The following FLNB variants were observed in gnomAD, a reference collection of about 807,000 sequenced individuals.
The protein encoded by FLNB is filamin-B.
Under a neutral mutation model 250.6 loss-of-function variants are expected in FLNB, and 111 were observed. That is an observed-to-expected ratio of 0.44 (90% CI 0.38 to 0.52). FLNB has a LOEUF of 0.52. Among genes scored for constraint, FLNB ranks in the 20% least tolerant of loss-of-function variants. The pLI is 0.00. For synonymous variants in FLNB, 1,302 were observed against 1,372.1 expected (o/e 0.95, Z 1.13); for missense variants, 2,869 against 3,447.8 (o/e 0.83, Z 4.20).
Position 58,077,125 on chromosome 3 carries a change from C to T in FLNB, c.372C>T (p.Ser124=), listed in dbSNP as rs1293588012. ...VWTLILHYSI[S]MPVWEDEGDD... is the part of the protein sequence containing the mutation. The stretch of plus-strand genomic sequence containing the variant: ...CGCTGATCCTCCACTACTCCATCTC[C>T]ATGCCCGTGTGGGAGGATGAAGGGG... The change falls in exon 2 of 46, where the codon TCC becomes TCT. Residue 124 remains serine, a synonymous_variant. Coordinates refer to ENST00000295956, the MANE Select transcript of FLNB (RefSeq NM_001457.4). 2 of 1,614,134 alleles carry T rather than the reference C, an allele frequency of 1.2e-6. No homozygotes were observed. Among genetic ancestry groups the T allele is most frequent in the East Asian group, 2.2e-5 (1 of 44,862 alleles).
Position 58,155,041 on chromosome 3 carries a change from G to A in FLNB, c.6772+113G>A, listed in dbSNP as rs13075269. 104,361 of 1,038,432 alleles carry A rather than the reference G, an allele frequency of 0.1. 5,982 individuals are homozygous for A. Among genetic ancestry groups the A allele is most frequent in the African/African-American group, 0.12 (7,434 of 63,530 alleles). The allele number at this position is 1,038,432 out of a possible 1,614,324, so 64.3% of individuals were successfully genotyped here. On this transcript the variant is annotated intron_variant, in intron 40 of 45. Transcript: ENST00000295956. The stretch of plus-strand genomic sequence containing the variant: ...GTCAATGAGGAATCTATGTGTATGG[G>A]CACATGGGACAGCCTCCTAGAAATC...
At chr3:58,167,277 C>G (rs961509197) in intron 43 of FLNB, among the ~76,000 whole-genome samples, 1 of 152,170 alleles carries the variant, frequency 6.6e-6, no homozygotes. Context: ...CTTGGCTGCA[C>G]AGATTAGATA....
At position 58,169,583 on chromosome 3, in the gene FLNB, A is replaced by G. The variant is rs758636344; in HGVS notation, c.7418-7A>G. The G allele has an allele frequency of 1.9e-6, 3 of 1,612,818 alleles. No homozygotes were observed. The highest frequency in any genetic ancestry group is 2.7e-5 in the African/African-American group (2 of 74,832). On this transcript the variant is annotated splice_polypyrimidine_tract_variant and splice_region_variant and intron_variant, in intron 44 of 45. Transcript: ENST00000295956. This position sits in a 1 kb window ranked among gnomAD's most constrained non-coding sequence, Gnocchi z 4.8. The stretch of plus-strand genomic sequence containing the variant: ...TCATGCCTGTCCCCCTCCCTCCTGT[A>G]TCTTAGGCCAGCGTCTAGTTAGCCC...
intron 32 of FLNB, 71 bp downstream of exon 32, chr3:58,143,684 C>A: frequency 1.3e-6 from 2 of 1,587,092 alleles, no homozygotes; most frequent in Non-Finnish European, 1.7e-6. Flanking sequence ...AGACACTCCT[C>A]AGCCGCTTTG....
intron 16 of FLNB, among the ~76,000 whole-genome samples, chr3:58,111,115 T>C (rs1576737050): frequency 1.3e-5 from 2 of 152,248 alleles, no homozygotes. Context: ...ATGTTCTACT[T>C]TGATGCCTTT....
rs776814664 is a variant in FLNB at position 58,102,252 on chromosome 3, A to G, written c.1395A>G (p.Lys465=). 7.4e-6 allele frequency: 12 copies of G among 1,614,250 alleles called. No homozygotes were observed. In the East Asian group the frequency reaches 2.7e-4, roughly 36 times the overall value. Residue 465 remains lysine (K), a synonymous_variant, in exon 9 of 46, where the codon AAA becomes AAG. Coordinates refer to ENST00000295956, the MANE Select transcript of FLNB (RefSeq NM_001457.4). ...CRASGRGLQP[K]GVRIRETTDF... Reference sequence around the variant, plus strand: ...CCAGTGGCCGAGGCCTACAACCCAAAGGCGTCCGTATCCGGGAGACCACAG... The same window carrying G: ...CCAGTGGCCGAGGCCTACAACCCAAGGGCGTCCGTATCCGGGAGACCACAG...
intron 13 of FLNB, 81 bp downstream of exon 13, chr3:58,108,652 C>A: frequency 2.4e-6 from 2 of 849,994 alleles, no homozygotes; most frequent in Non-Finnish European, 4.0e-6. Flanking sequence ...CTGAGTCCAT[C>A]TGATCTTCAG....
chr3:58,081,889 C>T (rs2097209682), intron 4 of FLNB, 113 bp downstream of exon 4: 1 of 1,139,236 alleles, frequency 8.8e-7, no homozygotes, highest in Admixed American at 1.7e-5. Context: ...GTGTAATCCT[C>T]AAAGAGACCC....
intron 1 of FLNB, among the ~76,000 whole-genome samples, chr3:58,041,321 G>A (rs370924969): frequency 6.6e-6 from 1 of 152,326 alleles, no homozygotes; most frequent in East Asian, 1.9e-4. Context: ...GCAGCCAGGT[G>A]GGCAGGGATT....
At chr3:58,009,464 C>T (rs1428787755) in intron 1 of FLNB, among the ~76,000 whole-genome samples, 1 of 152,202 alleles carries the variant, frequency 6.6e-6, no homozygotes, top group Non-Finnish European at 1.5e-5. Context: ...GCTCTCTCTG[C>T]TCCCAGCTCA....
At chr3:58,096,060 C>A (rs2097237996) in intron 5 of FLNB, 81 bp from the exon 6 acceptor site, 1 of 1,102,630 alleles carries the variant, frequency 9.1e-7, no homozygotes. Context: ...CCTGGCAGCT[C>A]CTGCAGAACC....
intron 39 of FLNB, among the ~76,000 whole-genome samples, chr3:58,154,067 G>A (rs1412387478): frequency 6.6e-6 from 1 of 152,102 alleles, no homozygotes; most frequent in Non-Finnish European, 1.5e-5. Flanking sequence ...TCTCTGGCTT[G>A]GTTAAGGTGT....
Position 58,112,318 on chromosome 3 carries a change from G to T in FLNB, c.2745G>T (p.Gln915His). ...SHTVKYTPTQ[Q>H]GNMQVLVTYG... Reference sequence around the variant, plus strand: ...CGGTTAAATATACACCCACCCAACAGGTAGGGTCCTTCTCCCCTCTGCTCC... The same window carrying T: ...CGGTTAAATATACACCCACCCAACATGTAGGGTCCTTCTCCCCTCTGCTCC... Residue 915 changes from glutamine to histidine, a missense_variant and splice_region_variant, in exon 18 of 46, where the codon CAG (glutamine) becomes CAT (histidine). This residue lies in a region of FLNB where 1,348 missense variants were observed against 1,466.7 expected (regional missense o/e 0.92). Coordinates refer to ENST00000295956, the MANE Select transcript of FLNB (RefSeq NM_001457.4). The T allele has an allele frequency of 6.2e-7, 1 of 1,613,192 alleles. No homozygotes were observed. Among genetic ancestry groups the T allele is most frequent in the South Asian group, 1.1e-5 (1 of 91,034 alleles).
chr3:58,120,012 C>T (rs1232660664), intron 19 of FLNB, among the ~76,000 whole-genome samples: 3 of 152,230 alleles, frequency 2.0e-5, no homozygotes, highest in Non-Finnish European at 4.4e-5. Flanking sequence ...TCACATTCAC[C>T]TGGTTTCAGG....
intron 1 of FLNB, among the ~76,000 whole-genome samples, chr3:58,018,874 C>T (rs2097109697): frequency 6.8e-6 from 1 of 146,960 alleles, no homozygotes; most frequent in Non-Finnish European, 1.5e-5. Context: ...CATGCCTGTC[C>T]TATAATCACA....
intron 1 of FLNB, among the ~76,000 whole-genome samples, chr3:58,049,655 T>A (rs752143620): frequency 3.9e-5 from 6 of 152,066 alleles, no homozygotes; most frequent in African/African-American, 7.2e-5. Context: ...CCCAGCCAGG[T>A]TTCTGAGTTC....
At chr3:58,097,456 A>T (rs1315923370) in intron 6 of FLNB, among the ~76,000 whole-genome samples, 1 of 152,214 alleles carries the variant, frequency 6.6e-6, no homozygotes. Context: ...TGTGGATTTG[A>T]AATCCTGGAA....
intron 1 of FLNB, among the ~76,000 whole-genome samples, chr3:58,030,052 C>A (rs1412107859): frequency 2.0e-5 from 3 of 152,064 alleles, no homozygotes; most frequent in African/African-American, 7.2e-5. Context: ...TGGAAAGGGC[C>A]AGGTTTATAT....
intron 41 of FLNB, among the ~76,000 whole-genome samples, chr3:58,156,930 G>A (rs2097354248): frequency 6.6e-6 from 1 of 152,092 alleles, no homozygotes; most frequent in Admixed American, 6.5e-5. Context: ...CTCCTGACCT[G>A]AGGTGATCCA....
Sources: gnomAD v4.1 joint callset for allele counts (sites outside exome capture counted in the v4.1 genomes callset) on GRCh38, gnomAD v4.1.1 for gene constraint, gnomAD v4.1.1 regional missense constraint, Gnocchi (gnomAD v3.1) non-coding constraint, MANE v1.5 for transcripts, NCBI Gene and HGNC (gene_info 2026-07-23, HGNC 2026-07-21) for gene names.